KIAA1549L: variants seen among roughly 807,000 people sequenced by gnomAD.
The protein encoded by KIAA1549L is UPF0606 protein KIAA1549L.
In KIAA1549L, 88 loss-of-function variants were observed where a neutral mutation model predicts 160.7. The observed-to-expected ratio is 0.55, with a 90% confidence interval of 0.46 to 0.65. The LOEUF is 0.65. Ranked by LOEUF, KIAA1549L falls within the 30% of genes least tolerant of loss-of-function variation. The pLI, the probability that KIAA1549L is intolerant of heterozygous loss-of-function variation, is 0.00. For missense variants in KIAA1549L, 2,258 were observed against 2,437.5 expected (o/e 0.93, Z 1.55); for synonymous variants, 950 against 976.7 (o/e 0.97, Z 0.51).
intron 9 of KIAA1549L, among the ~76,000 whole-genome samples, chr11:33,572,942 T>A (rs546485030): frequency 6.6e-6 from 1 of 152,338 alleles, no homozygotes; most frequent in African/African-American, 2.4e-5. Context: ...GTTGCTTCAC[T>A]TCCTCATCAA....
chr11:33,561,774 C>A, intron 8 of KIAA1549L, 39 bp downstream of exon 8: 1 of 1,395,830 alleles, frequency 7.2e-7, no homozygotes, highest in Non-Finnish European at 1.0e-6. Flanking sequence ...TTCATGCTGT[C>A]AGATTGATTT....
chr11:33,400,051 A>G (rs1204221688), intron 1 of KIAA1549L, among the ~76,000 whole-genome samples: 2 of 152,144 alleles, frequency 1.3e-5, no homozygotes, highest in Admixed American at 6.5e-5. Context: ...ATGTTTAATA[A>G]TATGTTCAAT....
chr11:33,629,155 G>T (rs878880990), intron 16 of KIAA1549L, among the ~76,000 whole-genome samples: 1 of 152,150 alleles, frequency 6.6e-6, no homozygotes, highest in Admixed American at 6.5e-5. Context: ...CGAGAGATCC[G>T]CTGTTAGTCT....
At chr11:33,396,556 C>T (rs755562333) in intron 1 of KIAA1549L, among the ~76,000 whole-genome samples, 82 of 152,016 alleles carry the variant, frequency 5.4e-4, no homozygotes, top group Non-Finnish European at 7.9e-4. Context: ...TATGGCATTG[C>T]GTAACTAGGA....
At chr11:33,546,858 C>A (rs1313284591) in intron 3 of KIAA1549L, among the ~76,000 whole-genome samples, 3 of 152,168 alleles carry the variant, frequency 2.0e-5, no homozygotes, top group Non-Finnish European at 4.4e-5. Flanking sequence ...AAGTTAGGTG[C>A]AGTCAAGGTC....
At chr11:33,554,313 G>A (rs2133204786) in intron 6 of KIAA1549L, among the ~76,000 whole-genome samples, 1 of 152,276 alleles carries the variant, frequency 6.6e-6, no homozygotes, top group Non-Finnish European at 1.5e-5. Context: ...TTAACAACTT[G>A]TATAGGTTTG....
intron 1 of KIAA1549L, among the ~76,000 whole-genome samples, chr11:33,519,932 G>A (rs983235122): frequency 5.5e-5 from 7 of 126,950 alleles, no homozygotes; most frequent in African/African-American, 1.3e-4. Context: ...AGGAAATATC[G>A]GGTCGCCATC....
chr11:33,475,313 A>G (rs899719532), intron 1 of KIAA1549L, among the ~76,000 whole-genome samples: 12 of 152,152 alleles, frequency 7.9e-5, no homozygotes, highest in Non-Finnish European at 1.3e-4. Flanking sequence ...TGCAGTGGTG[A>G]GCTTGTAAAT....
At chr11:33,530,777 G>C (rs1371430375) in intron 1 of KIAA1549L, among the ~76,000 whole-genome samples, 1 of 152,080 alleles carries the variant, frequency 6.6e-6, no homozygotes, top group Non-Finnish European at 1.5e-5. Flanking sequence ...CTGAAATTCT[G>C]AAAATTTATA....
At chr11:33,644,592 C>T in intron 16 of KIAA1549L, among the ~76,000 whole-genome samples, 1 of 152,162 alleles carries the variant, frequency 6.6e-6, no homozygotes, top group East Asian at 1.9e-4. Flanking sequence ...TTATTTAATC[C>T]TTATAAAAGC....
intron 1 of KIAA1549L, among the ~76,000 whole-genome samples, chr11:33,420,521 C>A (rs978188456): frequency 2.0e-5 from 3 of 151,988 alleles, no homozygotes; most frequent in African/African-American, 4.8e-5. Context: ...GCCACTGTGC[C>A]CAGCCAGAAC....
chr11:33,438,240 G>T (rs941049249), intron 1 of KIAA1549L, among the ~76,000 whole-genome samples: 1 of 152,120 alleles, frequency 6.6e-6, no homozygotes, highest in Non-Finnish European at 1.5e-5. Flanking sequence ...GACTCCATTG[G>T]CTGGTAGCCT....
At chr11:33,575,718 G>A (rs1224908453) in intron 10 of KIAA1549L, among the ~76,000 whole-genome samples, 1 of 152,160 alleles carries the variant, frequency 6.6e-6, no homozygotes, top group Non-Finnish European at 1.5e-5. Flanking sequence ...AGAAAGAGAG[G>A]GCAGCATGAG....
chr11:33,384,906 G>T (rs1053204650), intron 1 of KIAA1549L, among the ~76,000 whole-genome samples: 4 of 148,420 alleles, frequency 2.7e-5, no homozygotes, highest in African/African-American at 9.9e-5. Flanking sequence ...TCTGTGGCTT[G>T]TCTTTTCATT....
chr11:33,561,313 A>G (rs1238706826), intron 7 of KIAA1549L, among the ~76,000 whole-genome samples: 1 of 152,212 alleles, frequency 6.6e-6, no homozygotes, highest in East Asian at 1.9e-4. Flanking sequence ...AGAAACTCAC[A>G]AATCCTAGAA....
intron 16 of KIAA1549L, among the ~76,000 whole-genome samples, chr11:33,635,642 C>A (rs1200892515): frequency 6.6e-6 from 1 of 151,632 alleles, no homozygotes; most frequent in African/African-American, 2.4e-5. Context: ...GCCTCAAGAG[C>A]CCTTTATCCC....
rs185860136 is a variant in KIAA1549L at position 33,543,282 on chromosome 11, A to G, written c.1719A>G (p.Glu573=). The change falls in exon 2 of 21, where the codon GAA becomes GAG. Residue 573 remains glutamate (E), a synonymous_variant. Coordinates refer to ENST00000658780, the MANE Select transcript of KIAA1549L (RefSeq NM_012194.3). ...TGACAGCCATTTTAGGGAAGAATGA[A>G]GAGGCAAATGTGACGATTCCTCTCC... ...DSVTAILGKN[E]EANVTIPLQA... is the part of the protein sequence containing the mutation. The G allele has an allele frequency of 1.1e-4, 175 of 1,614,060 alleles. No homozygotes were observed. In the African/African-American group the frequency reaches 2.1e-3, roughly 19 times the overall value.
Position 33,516,312 on chromosome 11 carries a change from C to T in KIAA1549L, c.239-25490C>T, listed in dbSNP as rs1853343281. ...GACTACAGGCGCCCGCCACTACGCCCGGCTAATTTTTTGTATTTTTAGTAG... is the reference window on the plus strand; with the variant it reads ...GACTACAGGCGCCCGCCACTACGCCTGGCTAATTTTTTGTATTTTTAGTAG... On this transcript the variant is annotated intron_variant, in intron 1 of 20. Coordinates refer to ENST00000658780, the MANE Select transcript of KIAA1549L (RefSeq NM_012194.3). 3.2e-5 allele frequency among the ~76,000 whole-genome samples: 2 copies of T among 62,270 alleles called. 1 individual carries two copies. Among genetic ancestry groups the T allele is most frequent in the Non-Finnish European group, 5.6e-5 (2 of 35,518 alleles). 40.9% of individuals were successfully genotyped at this position (62,270 alleles called of 152,430 possible).
chr11:33,543,815 C>G lies in KIAA1549L; in HGVS notation c.2252C>G (p.Ala751Gly). Residue 751 changes from alanine to glycine, a missense_variant, in exon 2 of 21, where the codon GCC (alanine) becomes GGC (glycine). Physicochemically the swap from Ala to Gly is moderately conservative, Grantham distance 60 (BLOSUM62 0). Coordinates refer to ENST00000658780, the MANE Select transcript of KIAA1549L (RefSeq NM_012194.3). ...TAPPNGLTSA[A>G]DAIKSQDFKD... ...CCTCCCAATGGTTTAACTTCAGCTG[C>G]CGATGCCATAAAATCTCAGGATTTC... The G allele has an allele frequency of 1.2e-6, 2 of 1,614,040 alleles. No homozygotes were observed. The highest frequency in any genetic ancestry group is 1.7e-6 in the Non-Finnish European group (2 of 1,179,896).
Sources: gnomAD v4.1 joint callset for allele counts (sites outside exome capture counted in the v4.1 genomes callset) on GRCh38, gnomAD v4.1.1 for gene constraint, MANE v1.5 for transcripts, NCBI Gene and HGNC (gene_info 2026-07-23, HGNC 2026-07-21) for gene names.